The following SLC4A10 variants were observed in gnomAD, a reference collection of about 807,000 sequenced individuals.
The protein encoded by SLC4A10 is sodium-driven chloride bicarbonate exchanger.
A neutral mutation model predicts 137.7 loss-of-function variants in SLC4A10; 42 were observed. The ratio of observed to expected loss-of-function variants is 0.30; its 90% CI spans 0.24 to 0.39. The LOEUF (loss-of-function observed/expected upper bound fraction) is 0.39. SLC4A10 is among the 10% of genes least tolerant of loss of function. The pLI, the probability that SLC4A10 is intolerant of heterozygous loss-of-function variation, is 1.00. For missense variants in SLC4A10, 925 were observed against 1,355.0 expected (o/e 0.68, Z 4.98); for synonymous variants, 474 against 464.1 (o/e 1.02, Z -0.27).
At chr2:161,709,550 G>C (rs1238810794) in intron 1 of SLC4A10, among the ~76,000 whole-genome samples, 1 of 151,544 alleles carries the variant, frequency 6.6e-6, no homozygotes, top group African/African-American at 2.4e-5. Flanking sequence ...CACAAAGAAA[G>C]CTTGTGACAT....
intron 1 of SLC4A10, among the ~76,000 whole-genome samples, chr2:161,662,624 A>G (rs2038571463): frequency 6.6e-6 from 1 of 152,202 alleles, no homozygotes; most frequent in Non-Finnish European, 1.5e-5. Flanking sequence ...ATGTCTGTAT[A>G]TTTAAAATTG....
At chr2:161,917,323 T>C (rs1470249368) in intron 15 of SLC4A10, among the ~76,000 whole-genome samples, 1 of 152,086 alleles carries the variant, frequency 6.6e-6, no homozygotes, top group Non-Finnish European at 1.5e-5. Context: ...CACATGCAGG[T>C]CTTTATTTGG....
chr2:161,684,633 C>G (rs1051076401), intron 1 of SLC4A10, among the ~76,000 whole-genome samples: 6 of 152,140 alleles, frequency 3.9e-5, no homozygotes, highest in African/African-American at 1.4e-4. Flanking sequence ...CTGATTTTGT[C>G]TCACTTTCCT....
At chr2:161,977,337 TA>T in intron 25 of SLC4A10, 1 of 457,818 alleles carries the variant, frequency 2.2e-6, no homozygotes. Flanking sequence ...AAGTCTTCCC[TA>T]AACTTCTTAT....
chr2:161,686,981 C>T (rs2041488111), intron 1 of SLC4A10, among the ~76,000 whole-genome samples: 1 of 148,684 alleles, frequency 6.7e-6, no homozygotes, highest in Non-Finnish European at 1.5e-5. Context: ...CTCCCGGGTT[C>T]AGGCGATTCT....
intron 1 of SLC4A10, among the ~76,000 whole-genome samples, chr2:161,641,583 T>G (rs971872573): frequency 6.6e-6 from 1 of 152,116 alleles, no homozygotes; most frequent in Admixed American, 6.5e-5. Context: ...TTCACATTCA[T>G]TATTGTATTG....
chr2:161,706,172 T>A (rs2125034959), intron 1 of SLC4A10, among the ~76,000 whole-genome samples: 1 of 151,676 alleles, frequency 6.6e-6, no homozygotes, highest in East Asian at 1.9e-4. Context: ...TTCATGTTTT[T>A]ATTGCAAAGA....
intron 1 of SLC4A10, among the ~76,000 whole-genome samples, chr2:161,750,506 A>G (rs1318598874): frequency 6.6e-6 from 1 of 151,680 alleles, no homozygotes; most frequent in African/African-American, 2.4e-5. Flanking sequence ...TTATTCAAGG[A>G]TATGTTATTT....
In SLC4A10 at chr2:161,905,874, C is replaced by A. The variant is rs1684229843; in HGVS notation, c.1984C>A (p.Leu662Met). 6.2e-7 allele frequency: 1 copy of A among 1,610,100 alleles called. No homozygotes were observed. Among genetic ancestry groups the A allele is most frequent in the Admixed American group, 1.7e-5 (1 of 59,622 alleles). ...PINMHNDLEL[L>M]TQYSCNCVEP... ...CAACATGCATAATGATCTGGAACTGCTGACACAATACTCGTAAGTACCATT... is the reference window on the plus strand; with the variant it reads ...CAACATGCATAATGATCTGGAACTGATGACACAATACTCGTAAGTACCATT... The change falls in exon 15 of 27, where the codon CTG becomes ATG. Residue 662 changes from leucine to methionine, a missense_variant. This residue lies in a region of SLC4A10 where 91 missense variants were observed against 95.6 expected (regional missense o/e 0.95). Coordinates refer to ENST00000446997, the MANE Select transcript of SLC4A10 (RefSeq NM_001178015.2).
At chr2:161,869,546 T>A (rs1000214402) in intron 6 of SLC4A10, among the ~76,000 whole-genome samples, 2 of 151,612 alleles carry the variant, frequency 1.3e-5, no homozygotes, top group Non-Finnish European at 3.0e-5. Flanking sequence ...TTAAGCTTTT[T>A]AAAAGACTTC....
At chr2:161,748,701 A>G (rs1354936658) in intron 1 of SLC4A10, among the ~76,000 whole-genome samples, 3 of 152,096 alleles carry the variant, frequency 2.0e-5, no homozygotes, top group African/African-American at 7.2e-5. Flanking sequence ...ATAACTTAAA[A>G]TCCAAGAATT....
At chr2:161,828,953 A>G in intron 3 of SLC4A10, among the ~76,000 whole-genome samples, 1 of 150,596 alleles carries the variant, frequency 6.6e-6, no homozygotes, top group East Asian at 1.9e-4. Context: ...TTCTATTAGA[A>G]TTATTCTATT....
chr2:161,828,767 CAT>C (rs58808663), intron 3 of SLC4A10, among the ~76,000 whole-genome samples: 498 of 42,022 alleles, frequency 0.012, 7 homozygotes, highest in African/African-American at 0.023. Context: ...AATTCTAATT[CAT>C]ATATATATAT....
chr2:161,880,566 G>C (rs979504345), intron 9 of SLC4A10, among the ~76,000 whole-genome samples: 2 of 152,080 alleles, frequency 1.3e-5, no homozygotes, highest in African/African-American at 2.4e-5. Context: ...GAGTTACTGA[G>C]ATGACTGATA....
intron 3 of SLC4A10, among the ~76,000 whole-genome samples, chr2:161,805,799 A>C (rs769062458): frequency 6.6e-6 from 1 of 152,060 alleles, no homozygotes; most frequent in Non-Finnish European, 1.5e-5. Context: ...GCTTTTCCGG[A>C]CACACTATTC....
intron 15 of SLC4A10, among the ~76,000 whole-genome samples, chr2:161,919,376 G>T (rs991228005): frequency 6.6e-6 from 1 of 152,104 alleles, no homozygotes; most frequent in South Asian, 2.1e-4. Flanking sequence ...GGGCCAGGCT[G>T]CCAGTTCTGC....
At chr2:161,854,660 G>T (rs896136632) in intron 4 of SLC4A10, among the ~76,000 whole-genome samples, 1 of 152,068 alleles carries the variant, frequency 6.6e-6, no homozygotes, top group Non-Finnish European at 1.5e-5. Flanking sequence ...CTTTATTAGT[G>T]CTACATAAGA....
intron 15 of SLC4A10, among the ~76,000 whole-genome samples, chr2:161,909,083 G>A (rs1362737279): frequency 8.6e-6 from 1 of 116,888 alleles, no homozygotes; most frequent in African/African-American, 3.3e-5. Context: ...GGACTGTTGT[G>A]GGGTGGGGGG....
intron 1 of SLC4A10, chr2:161,708,976 C>A: frequency 2.1e-6 from 2 of 943,872 alleles, no homozygotes; most frequent in Non-Finnish European, 3.0e-6. Flanking sequence ...TTTATGGCAG[C>A]TAAACAATAT....
Sources: allele counts gnomAD v4.1 joint callset (sites outside exome capture counted in the v4.1 genomes callset), GRCh38; gene constraint gnomAD v4.1.1; regional missense constraint gnomAD v4.1.1; transcripts MANE v1.5; gene names NCBI Gene and HGNC (gene_info 2026-07-23, HGNC 2026-07-21).